Variants in ANOS1 observed in about 807,000 individuals in gnomAD.
The protein encoded by ANOS1 is anosmin-1.
Under a neutral mutation model 59.0 loss-of-function variants are expected in ANOS1, and 6 were observed. The ratio of observed to expected loss-of-function variants is 0.10; its 90% CI spans 0.06 to 0.20. The LOEUF (loss-of-function observed/expected upper bound fraction) is 0.20. Among genes scored for constraint, ANOS1 ranks in the 10% least tolerant of loss-of-function variants. The probability of loss-of-function intolerance (pLI) is 1.00; values close to 1 mark genes in which losing one functional copy is unlikely to be tolerated. For synonymous variants in ANOS1, 217 were observed against 223.4 expected (o/e 0.97, Z 0.25); for missense variants, 433 against 542.3 (o/e 0.80, Z 2.00).
intron 4 of ANOS1, among the ~76,000 whole-genome samples, chrX:8,594,929 T>C (rs1417165726): frequency 2.8e-5 from 3 of 106,004 alleles, no homozygotes; most frequent in African/African-American, 1.0e-4. Context: ...AGTAGAAGAG[T>C]GACTTCAGTA....
intron 3 of ANOS1, among the ~76,000 whole-genome samples, chrX:8,603,308 G>T (rs781150845): frequency 9.0e-6 from 1 of 111,286 alleles, no homozygotes; most frequent in Admixed American, 9.5e-5. Context: ...ATATGTTAAC[G>T]AATAGATATA....
intron 1 of ANOS1, among the ~76,000 whole-genome samples, chrX:8,707,452 C>T (rs948705842): frequency 9.0e-6 from 1 of 111,708 alleles, no homozygotes; most frequent in African/African-American, 3.3e-5. Flanking sequence ...GGCATGATGA[C>T]ACCGAAAACT....
chrX:8,665,542 T>C (rs1245282967), intron 2 of ANOS1, among the ~76,000 whole-genome samples: 1 of 112,531 alleles, frequency 8.9e-6, no homozygotes, highest in African/African-American at 3.2e-5. Flanking sequence ...ACTATTTCCA[T>C]TCTTTACGTA....
At chrX:8,661,284 A>G (rs1273963044) in intron 2 of ANOS1, among the ~76,000 whole-genome samples, 1 of 97,860 alleles carries the variant, frequency 1.0e-5, no homozygotes, top group Non-Finnish European at 2.1e-5. Flanking sequence ...CACAGTCCTG[A>G]AGGCTGAAAG....
chrX:8,594,658 GTATATATATA>G (rs767812487), intron 4 of ANOS1, among the ~76,000 whole-genome samples: 11,728 of 33,440 alleles, frequency 0.35, 1,801 homozygotes, highest in Middle Eastern at 0.42. Context: ...ATATATATGT[GTATATATATA>G]TATATATATA....
intron 3 of ANOS1, among the ~76,000 whole-genome samples, chrX:8,618,135 C>A (rs2146842260): frequency 8.9e-6 from 1 of 112,364 alleles, no homozygotes; most frequent in South Asian, 3.7e-4. Context: ...ATGAAATTCA[C>A]ATCTAACTTC....
intron 2 of ANOS1, among the ~76,000 whole-genome samples, chrX:8,670,354 G>C (rs1353165677): frequency 9.0e-6 from 1 of 111,409 alleles, no homozygotes; most frequent in East Asian, 2.8e-4. Flanking sequence ...GAAAAGGGCA[G>C]GGAGATAATG....
At chrX:8,722,255 CAAGT>C (rs1932879780) in intron 1 of ANOS1, among the ~76,000 whole-genome samples, 1 of 111,445 alleles carries the variant, frequency 9.0e-6, no homozygotes, top group African/African-American at 3.3e-5. Context: ...TTTGGTTACA[CAAGT>C]AAGTTCTTTA....
intron 2 of ANOS1, among the ~76,000 whole-genome samples, chrX:8,681,233 G>C (rs1171114274): frequency 9.0e-6 from 1 of 111,657 alleles, no homozygotes; most frequent in African/African-American, 3.3e-5. Flanking sequence ...CATCAAATAA[G>C]CTTTGTTTGC....
chrX:8,531,957 TTGAAAGCATA>T lies in ANOS1; in HGVS notation c.*1028_*1037del, dbSNP rs1485647878. On this transcript the variant is annotated 3_prime_UTR_variant, in exon 14 of 14. Coordinates refer to ENST00000262648, the MANE Select transcript of ANOS1 (RefSeq NM_000216.4). ...TTCCAAAAAGTAAGATATACTAGATTTGAAAGCATATGGGTGAATTAAATGCAAATAACTG... is the reference window on the plus strand; with the variant it reads ...TTCCAAAAAGTAAGATATACTAGATTTGGGTGAATTAAATGCAAATAACTG... The T allele has an allele frequency of 1.8e-5, 2 of 111,856 alleles. No homozygotes were observed. Among genetic ancestry groups the T allele is most frequent in the Non-Finnish European group, 3.8e-5 (2 of 53,193 alleles). The allele number at this position is 111,856 out of a possible 1,213,427, so 9.2% of individuals were successfully genotyped here.
chrX:8,683,396 T>A (rs1050139306), intron 2 of ANOS1, among the ~76,000 whole-genome samples: 11 of 110,949 alleles, frequency 9.9e-5, no homozygotes, highest in Non-Finnish European at 1.9e-4. Context: ...AGCTAGTGAA[T>A]CCCTTCAGCC....
At chrX:8,654,745 C>T (rs1383184556) in intron 2 of ANOS1, among the ~76,000 whole-genome samples, 4 of 111,867 alleles carry the variant, frequency 3.6e-5, no homozygotes, top group Non-Finnish European at 7.5e-5. Flanking sequence ...AATCAGGGGC[C>T]GGGTGTCTCA....
chrX:8,656,841 A>G (rs1321121351), intron 2 of ANOS1, among the ~76,000 whole-genome samples: 1 of 111,729 alleles, frequency 9.0e-6, no homozygotes, highest in Non-Finnish European at 1.9e-5. Flanking sequence ...CCCCAGACAC[A>G]TGCTGAGGGA....
intron 9 of ANOS1, among the ~76,000 whole-genome samples, chrX:8,543,285 A>G (rs1157732435): frequency 9.0e-6 from 1 of 111,008 alleles, no homozygotes; most frequent in Non-Finnish European, 1.9e-5. Context: ...AGGTAATTAA[A>G]AGCAATCTGA....
intron 2 of ANOS1, among the ~76,000 whole-genome samples, chrX:8,692,238 AC>A (rs749030080): frequency 3.6e-5 from 4 of 111,783 alleles, no homozygotes; most frequent in African/African-American, 9.7e-5. Context: ...TTTACTATCT[AC>A]AAAAAATGTT....
rs373047963 is a variant in ANOS1, at chrX:8,529,581, C to A, written c.*3414G>T. On this transcript the variant is annotated 3_prime_UTR_variant, in exon 14 of 14. Transcript: ENST00000262648. ...ATGATACAGACACGAGTCAAAATTC[C>A]GTCTTTTAATCAAGTTGTTTAGTGG... is the stretch of plus-strand genomic sequence containing the variant. 4.5e-5 allele frequency: 5 copies of A among 111,779 alleles called. No individual in the cohort carries two copies. Among genetic ancestry groups the A allele is most frequent in the African/African-American group, 1.6e-4 (5 of 30,766 alleles). 9.2% of individuals were successfully genotyped at this position (111,779 alleles called of 1,213,427 possible).
chrX:8,617,942 C>G (rs1293553539), intron 3 of ANOS1, among the ~76,000 whole-genome samples: 1 of 111,527 alleles, frequency 9.0e-6, no homozygotes, highest in Non-Finnish European at 1.9e-5. Context: ...CTCCTCTGCT[C>G]TGTGTGCTGT....
rs1929926406 is a variant in ANOS1, at chrX:8,554,966, C to G, written c.1208-868G>C. ...ATATAGCACTTATTCTAAAATTGAC[C>G]ATGTAATTGGAAGTAAAATATTCCT... On this transcript the variant is annotated intron_variant, in intron 8 of 13. Coordinates refer to ENST00000262648, the MANE Select transcript of ANOS1 (RefSeq NM_000216.4). Among the ~76,000 whole-genome samples, 3 of 110,819 alleles carry G rather than the reference C, an allele frequency of 2.7e-5. No homozygotes were observed. In the Admixed American group the frequency reaches 2.9e-4, roughly 11 times the overall value.
chrX:8,648,927 T>C (rs1749844042), intron 2 of ANOS1, among the ~76,000 whole-genome samples: 1 of 111,514 alleles, frequency 9.0e-6, no homozygotes, highest in Non-Finnish European at 1.9e-5. Flanking sequence ...TAAAGAAAAA[T>C]TGAATCCAAG....
Sources: gnomAD v4.1 joint callset for allele counts (sites outside exome capture counted in the v4.1 genomes callset) on GRCh38, gnomAD v4.1.1 for gene constraint, MANE v1.5 for transcripts, NCBI Gene and HGNC (gene_info 2026-07-23, HGNC 2026-07-21) for gene names.